LRRC4C: variants seen among roughly 807,000 people sequenced by gnomAD.
LRRC4C encodes leucine-rich repeat-containing protein 4C.
In LRRC4C, 5 loss-of-function variants were observed where a neutral mutation model predicts 33.6. The ratio of observed to expected loss-of-function variants is 0.15; its 90% CI spans 0.08 to 0.31. The LOEUF (loss-of-function observed/expected upper bound fraction) is 0.31. LRRC4C is among the 10% of genes least tolerant of loss of function. The pLI is 1.00. For missense variants in LRRC4C, 560 were observed against 796.7 expected (o/e 0.70, Z 3.58); for synonymous variants, 329 against 302.0 (o/e 1.09, Z -0.93).
intron 1 of LRRC4C, chr11:41,426,107 C>T (rs1955031671): frequency 6.6e-6 from 1 of 152,192 alleles, no homozygotes; most frequent in South Asian, 2.1e-4. Flanking sequence ...GGGACAAGAT[C>T]TGGATGGTCC....
At chr11:41,127,458 ATTTTC>A (rs1040368277) in intron 1 of LRRC4C, among the ~76,000 whole-genome samples, 24 of 151,970 alleles carry the variant, frequency 1.6e-4, no homozygotes, top group Middle Eastern at 6.8e-3. Context: ...TCTGCGTTTG[ATTTTC>A]TTTTCTTTTT....
chr11:40,223,666 T>G (rs1324634665), intron 5 of LRRC4C, among the ~76,000 whole-genome samples: 4 of 152,194 alleles, frequency 2.6e-5, no homozygotes, highest in Admixed American at 2.6e-4. Flanking sequence ...CAATCATTAG[T>G]GCACACACTA....
chr11:40,678,800 C>G (rs1944536991), intron 2 of LRRC4C, among the ~76,000 whole-genome samples: 1 of 152,036 alleles, frequency 6.6e-6, no homozygotes, highest in African/African-American at 2.4e-5. Flanking sequence ...TATAAATTAC[C>G]CAGCCACCAG....
In LRRC4C at chr11:40,152,841, G is replaced by A. The variant is rs1296589616; in HGVS notation, c.-95-11988C>T. Among the ~76,000 whole-genome samples, 9 of 152,060 alleles carry A rather than the reference G, an allele frequency of 5.9e-5. 1 individual carries two copies. Among genetic ancestry groups the A allele is most frequent in the Admixed American group, 3.9e-4 (6 of 15,268 alleles). The stretch of plus-strand genomic sequence containing the variant: ...CGCCTGGTCCCACCTCTACCTGATG[G>A]TCCTTCCCTATCCACCCTCATAGCA... On this transcript the variant is annotated intron_variant, in intron 5 of 6. Transcript: ENST00000528697.
chr11:40,744,171 T>C (rs957080782), intron 2 of LRRC4C, among the ~76,000 whole-genome samples: 6 of 152,168 alleles, frequency 3.9e-5, no homozygotes, highest in African/African-American at 1.4e-4. Context: ...CTTTATTTTC[T>C]GATGATGGGA....
chr11:40,501,951 C>T (rs1300459120), intron 3 of LRRC4C, among the ~76,000 whole-genome samples: 1 of 152,184 alleles, frequency 6.6e-6, no homozygotes, highest in Non-Finnish European at 1.5e-5. Context: ...CCTTTAGCAA[C>T]ACCCAAGTCA....
At chr11:40,488,281 TCC>T (rs141164706) in intron 3 of LRRC4C, among the ~76,000 whole-genome samples, 8 of 150,642 alleles carry the variant, frequency 5.3e-5, no homozygotes, top group Non-Finnish European at 7.4e-5. Context: ...GGTGTTTTTT[TCC>T]CCCCCCCACT....
intron 1 of LRRC4C, among the ~76,000 whole-genome samples, chr11:40,961,518 G>C (rs546706104): frequency 2.0e-5 from 3 of 151,646 alleles, no homozygotes; most frequent in African/African-American, 7.3e-5. Flanking sequence ...ATGCATAACT[G>C]GTTTTATAGC....
At chr11:40,414,803 A>G (rs1177600558) in intron 3 of LRRC4C, among the ~76,000 whole-genome samples, 5 of 152,116 alleles carry the variant, frequency 3.3e-5, no homozygotes, top group Non-Finnish European at 7.4e-5. Flanking sequence ...CCAGAAGAGG[A>G]GAAGAAGGGA....
intron 1 of LRRC4C, among the ~76,000 whole-genome samples, chr11:41,229,952 A>G (rs184880635): frequency 9.2e-5 from 14 of 152,070 alleles, no homozygotes; most frequent in African/African-American, 3.1e-4. Context: ...ATTTAATTGA[A>G]GTAAATTTTT....
intron 2 of LRRC4C, among the ~76,000 whole-genome samples, chr11:40,927,937 C>A (rs1957465506): frequency 6.6e-6 from 1 of 152,006 alleles, no homozygotes; most frequent in Non-Finnish European, 1.5e-5. Context: ...GAAAAACATT[C>A]TTCACTTACT....
chr11:41,037,509 T>G (rs1857155002), intron 1 of LRRC4C, among the ~76,000 whole-genome samples: 1 of 151,606 alleles, frequency 6.6e-6, no homozygotes. Flanking sequence ...TGACCCTAGA[T>G]TTTCTTTATG....
chr11:40,673,425 T>C (rs1444049689), intron 2 of LRRC4C, among the ~76,000 whole-genome samples: 1 of 152,160 alleles, frequency 6.6e-6, no homozygotes, highest in African/African-American at 2.4e-5. Flanking sequence ...CTACAGGCCA[T>C]AAGGCAACAG....
At chr11:40,386,730 AC>A (rs1269381046) in intron 3 of LRRC4C, among the ~76,000 whole-genome samples, 2 of 152,120 alleles carry the variant, frequency 1.3e-5, no homozygotes, top group Non-Finnish European at 2.9e-5. Context: ...TCAATATAAC[AC>A]TTTAGGCTCT....
rs144084854 is a variant in LRRC4C at position 40,657,231 on chromosome 11, A to T, written c.-406-8953T>A. Among the ~76,000 whole-genome samples, 4 of 152,320 alleles carry T rather than the reference A, an allele frequency of 2.6e-5. No individual in the cohort carries two copies. In the East Asian group the frequency reaches 7.7e-4, roughly 29 times the overall value. ...AGTGTTAAAACCCAGACCTTATGTG[A>T]GTCTTCATGTTTCTTCCAGATGTAC... On this transcript the variant is annotated intron_variant, in intron 2 of 6. Coordinates refer to ENST00000528697, the MANE Select transcript of LRRC4C (RefSeq NM_001258419.2).
intron 2 of LRRC4C, among the ~76,000 whole-genome samples, chr11:40,920,959 TGTC>T (rs1332169510): frequency 6.6e-6 from 1 of 151,904 alleles, no homozygotes; most frequent in Non-Finnish European, 1.5e-5. Flanking sequence ...CTTGCTCTGT[TGTC>T]CAGGCTGAAG....
rs1851927978 is a variant in LRRC4C, at chr11:40,974,287, C to G, written c.-495-40564G>C. On this transcript the variant is annotated intron_variant, in intron 1 of 6. Coordinates refer to ENST00000528697, the MANE Select transcript of LRRC4C (RefSeq NM_001258419.2). ...CTCTCTTGTTATTGATTTTTAATCT[C>G]TACCAGATGAAGATTTTCTTGGCCT... 2.0e-5 allele frequency among the ~76,000 whole-genome samples: 3 copies of G among 152,090 alleles called. No individual in the cohort carries two copies. The South Asian group carries it at 6.2e-4, about 31-fold the overall frequency.
intron 2 of LRRC4C, among the ~76,000 whole-genome samples, chr11:40,657,320 A>G (rs1007596295): frequency 6.6e-6 from 1 of 152,204 alleles, no homozygotes; most frequent in Non-Finnish European, 1.5e-5. Flanking sequence ...ATTTTCTCGT[A>G]TAAGTAGCTC....
intron 2 of LRRC4C, among the ~76,000 whole-genome samples, chr11:40,745,114 T>G (rs1948352028): frequency 6.6e-6 from 1 of 152,198 alleles, no homozygotes; most frequent in Non-Finnish European, 1.5e-5. Flanking sequence ...GTAAAACTCT[T>G]AAGTTGTTTA....
Sources: gnomAD v4.1 joint callset for allele counts (sites outside exome capture counted in the v4.1 genomes callset) on GRCh38, gnomAD v4.1.1 for gene constraint, MANE v1.5 for transcripts, NCBI Gene and HGNC (gene_info 2026-07-23, HGNC 2026-07-21) for gene names.